The following ADGRB1 variants were observed in gnomAD, a reference collection of about 807,000 sequenced individuals.
ADGRB1 encodes the protein adhesion G protein-coupled receptor B1.
ADGRB1 carries 36 observed loss-of-function variants against 175.7 expected under a neutral mutation model. The observed-to-expected ratio is 0.20, with a 90% CI of 0.16 to 0.27. The LOEUF is 0.27. Among genes scored for constraint, ADGRB1 ranks in the 10% least tolerant of loss-of-function variants. ADGRB1 has a pLI of 1.00. For synonymous variants in ADGRB1, 1,054 were observed against 979.4 expected, an observed-to-expected ratio of 1.08 and a Z score of -1.42; for missense variants, 1,731 against 2,255.3, an observed-to-expected ratio of 0.77 and a Z score of 4.71.
chr8:142,477,600 G>A (rs1469775911), intron 6 of ADGRB1, 51 bp downstream of exon 6: 2 of 1,572,634 alleles, frequency 1.3e-6, no homozygotes, highest in Non-Finnish European at 1.7e-6. Context: ...GAAAGGGGAG[G>A]TCACAGTGGG....
chr8:142,533,482 T>G lies in ADGRB1; in HGVS notation c.3570+16T>G, dbSNP rs370520380. Reference sequence around the variant, plus strand: ...CCGTAGAGAGGTGGGTGAGGCAGCCTCTGTCGGGCCGGGCTCCTGCGGGGT... The same window carrying G: ...CCGTAGAGAGGTGGGTGAGGCAGCCGCTGTCGGGCCGGGCTCCTGCGGGGT... On this transcript the variant is annotated intron_variant, in intron 25 of 30. Transcript: ENST00000517894. 7.7e-5 allele frequency: 122 copies of G among 1,578,280 alleles called. No individual in the cohort carries two copies. The African/African-American group carries it at 1.5e-3, about 20-fold the overall frequency.
intron 19 of ADGRB1, among the ~76,000 whole-genome samples, chr8:142,520,231 AGTGATGATGGTGATGGTGGTG>A (rs1843707941): frequency 2.2e-5 from 2 of 89,534 alleles, no homozygotes; most frequent in East Asian, 7.7e-4. Context: ...GTGGTGATGG[AGTGATGATGGTGATGGTGGTG>A]GTGATGATGG....
chr8:142,475,066 C>G (rs1840877928), intron 2 of ADGRB1, among the ~76,000 whole-genome samples: 1 of 152,192 alleles, frequency 6.6e-6, no homozygotes. Flanking sequence ...TGAGCAGGGC[C>G]TGGCCAGAAA....
At chr8:142,533,911 T>C (rs983275397) in intron 25 of ADGRB1, among the ~76,000 whole-genome samples, 3 of 152,148 alleles carry the variant, frequency 2.0e-5, no homozygotes, top group Non-Finnish European at 4.4e-5. Context: ...TGGCCACGAT[T>C]GGGATGCTCT....
chr8:142,534,126 G>A (rs1157972878), intron 25 of ADGRB1, among the ~76,000 whole-genome samples: 1 of 152,224 alleles, frequency 6.6e-6, no homozygotes, highest in Non-Finnish European at 1.5e-5. Context: ...GCCGACAGCA[G>A]GGGAGCCGGT....
rs546040973 is a variant in ADGRB1, at chr8:142,509,263, TG to T, written c.2676-1668del. 1.3e-4 allele frequency among the ~76,000 whole-genome samples: 20 copies of T among 152,318 alleles called. 1 individual carries two copies. The South Asian group carries it at 3.9e-3, about 30-fold the overall frequency. ...AGCCCGGCCCTGTGCCGCTCAGCGC[TG>T]TCCAGAGTGGAGTGGGTGCTTCCCT... On this transcript the variant is annotated intron_variant, in intron 17 of 30. Transcript: ENST00000517894.
Position 142,479,502 on chromosome 8 carries a change from A to C in ADGRB1, c.1726+15A>C, listed in dbSNP as rs1841208629. ...GCGGTGTCCCGGTGAGGCCCCTCCTACCTGGGCTGGGCTCTGGGGAGGGCT... is the reference window on the plus strand; with the variant it reads ...GCGGTGTCCCGGTGAGGCCCCTCCTCCCTGGGCTGGGCTCTGGGGAGGGCT... On this transcript the variant is annotated intron_variant, in intron 8 of 30. Transcript: ENST00000517894. The C allele has an allele frequency of 3.3e-6, 5 of 1,529,198 alleles. No individual in the cohort carries two copies. The highest frequency in any genetic ancestry group is 4.4e-6 in the Non-Finnish European group (5 of 1,144,052). 94.7% of individuals were successfully genotyped at this position (1,529,198 alleles called of 1,614,324 possible). A position where few individuals can be genotyped will look rare whatever the true frequency, so the allele number is the denominator to read the frequency against.
At chr8:142,462,237 C>T (rs1373215329) in intron 1 of ADGRB1, among the ~76,000 whole-genome samples, 1 of 152,162 alleles carries the variant, frequency 6.6e-6, no homozygotes, top group Non-Finnish European at 1.5e-5. Context: ...GGAATGAGAC[C>T]ACAGAGGGCC....
intron 1 of ADGRB1, among the ~76,000 whole-genome samples, chr8:142,456,942 C>G (rs948793812): frequency 2.0e-5 from 3 of 152,228 alleles, no homozygotes; most frequent in Non-Finnish European, 4.4e-5. Flanking sequence ...TCGAGGGCAA[C>G]TTCTAGGCAA....
At chr8:142,459,238 G>A (rs1016561277) in intron 1 of ADGRB1, among the ~76,000 whole-genome samples, 13 of 152,208 alleles carry the variant, frequency 8.5e-5, no homozygotes, top group Non-Finnish European at 1.8e-4. Context: ...GGCATCTGAC[G>A]GAGAAGCACG....
Position 142,452,930 on chromosome 8 carries a change from C to T in ADGRB1, c.-220+2826C>T, listed in dbSNP as rs534878084. Among the ~76,000 whole-genome samples, 960 of 147,840 alleles carry T rather than the reference C, an allele frequency of 6.5e-3. 25 individuals carry two copies. In the South Asian group the frequency reaches 0.083, roughly 13 times the overall value. On this transcript the variant is annotated intron_variant, in intron 1 of 30. Transcript: ENST00000517894. ...TGACTGCCGGGAGAGGGCGCCCGCA[C>T]CGCGCCCGCGCGGCCCTGCCCGCCC...
rs1441885961 is a variant in ADGRB1, at chr8:142,544,387, G to C, written c.4725G>C (p.Gln1575His). The change falls in exon 31 of 31, where the codon CAG (glutamine) becomes CAC (histidine). Residue 1575 changes from glutamine to histidine, a missense_variant. Physicochemically the swap from Gln to His is conservative, Grantham distance 24 (BLOSUM62 0). This residue lies in a region of ADGRB1 where 7 missense variants were observed against 21.0 expected (regional missense o/e 0.33). Transcript: ENST00000517894. The part of the protein sequence containing the change: ...RSGATIPLVG[Q>H]DIIDLQTEV ...GCGCCACGATCCCGCTGGTGGGCCA[G>C]GACATCATCGACCTCCAGACCGAGG... 2.0e-6 allele frequency: 3 copies of C among 1,517,928 alleles called. No individual in the cohort carries two copies. The allele number at this position is 1,517,928 out of a possible 1,614,324, so 94.0% of individuals were successfully genotyped here. A position where few individuals can be genotyped will look rare whatever the true frequency, so the allele number is the denominator to read the frequency against.
chr8:142,471,434 T>C (rs1282079809), intron 2 of ADGRB1, among the ~76,000 whole-genome samples: 1 of 152,146 alleles, frequency 6.6e-6, no homozygotes, highest in Non-Finnish European at 1.5e-5. Flanking sequence ...GGCAGAGACT[T>C]GTCCAAGGTC....
chr8:142,499,586 G>A lies in ADGRB1; in HGVS notation c.2675+8771G>A, dbSNP rs1347059331. On this transcript the variant is annotated intron_variant, in intron 17 of 30. Transcript: ENST00000517894. ...CCAGGCGCCTCAAAGGCCCAGAGGCGGAGTGCCGCGGTGGGAGCGCTGCCT... is the reference window on the plus strand; with the variant it reads ...CCAGGCGCCTCAAAGGCCCAGAGGCAGAGTGCCGCGGTGGGAGCGCTGCCT... Among the ~76,000 whole-genome samples, 10 of 152,192 alleles carry A rather than the reference G, an allele frequency of 6.6e-5. No homozygotes were observed. The East Asian group carries it at 1.5e-3, about 24-fold the overall frequency.
chr8:142,473,012 G>A (rs796795049), intron 2 of ADGRB1, among the ~76,000 whole-genome samples: 23 of 151,868 alleles, frequency 1.5e-4, no homozygotes, highest in African/African-American at 5.6e-4. Context: ...ATGTGCCCCC[G>A]CCCTTTCTCC....
rs1436300288 is a variant in ADGRB1, at chr8:142,539,368, C to T, written c.3667-6C>T. ...CTCACCCTGCCCTGTTGTCTCTGTCCTACAGACCGACTTCGAGAAGGACGT... is the reference window on the plus strand; with the variant it reads ...CTCACCCTGCCCTGTTGTCTCTGTCTTACAGACCGACTTCGAGAAGGACGT... On this transcript the variant is annotated splice_polypyrimidine_tract_variant and splice_region_variant and intron_variant, in intron 26 of 30. Transcript: ENST00000517894. 4.4e-6 allele frequency: 7 copies of T among 1,585,264 alleles called. No individual in the cohort carries two copies. The highest frequency in any genetic ancestry group is 5.1e-6 in the Non-Finnish European group (6 of 1,166,684).
intron 2 of ADGRB1, among the ~76,000 whole-genome samples, chr8:142,468,327 C>G (rs1840400837): frequency 6.6e-6 from 1 of 152,136 alleles, no homozygotes; most frequent in Non-Finnish European, 1.5e-5. Context: ...TTTGACAGAA[C>G]ACAGGTAAAG....
chr8:142,529,041 C>T (rs543494148), intron 24 of ADGRB1, among the ~76,000 whole-genome samples: 4 of 152,344 alleles, frequency 2.6e-5, no homozygotes, highest in South Asian at 2.1e-4. Context: ...GCTGCTGGCA[C>T]GGAGCCCAGG....
rs538978197 is a variant in ADGRB1 at position 142,475,508 on chromosome 8, C to T, written c.819C>T (p.Cys273=). 3 of 1,295,280 alleles carry T rather than the reference C, an allele frequency of 2.3e-6. No individual in the cohort carries two copies. Among genetic ancestry groups the T allele is most frequent in the African/African-American group, 3.0e-5 (2 of 66,442 alleles). The allele number at this position is 1,295,280 out of a possible 1,614,324, so 80.2% of individuals were successfully genotyped here. A position where few individuals can be genotyped will look rare whatever the true frequency, so the allele number is the denominator to read the frequency against. The part of the protein sequence containing the change: ...GWKLWSLWGE[C]TRDCGGGLQT... ...AGCTGTGGTCCCTGTGGGGCGAATG[C>T]ACGCGGGACTGCGGGGGAGGCCTCC... is the stretch of plus-strand genomic sequence containing the variant. Residue 273 remains cysteine (C), a synonymous_variant, in exon 3 of 31, where the codon TGC becomes TGT. Transcript: ENST00000517894.
Sources: allele counts gnomAD v4.1 joint callset (sites outside exome capture counted in the v4.1 genomes callset), GRCh38; gene constraint gnomAD v4.1.1; regional missense constraint gnomAD v4.1.1; transcripts MANE v1.5; gene names NCBI Gene and HGNC (gene_info 2026-07-23, HGNC 2026-07-21).